Variants in MAST2 observed in about 807,000 individuals in gnomAD.
MAST2 encodes the protein microtubule-associated serine/threonine-protein kinase 2.
Under a neutral mutation model 147.4 loss-of-function variants are expected in MAST2, and 70 were observed. That is an observed-to-expected ratio of 0.47 (90% CI 0.39 to 0.58). The LOEUF (loss-of-function observed/expected upper bound fraction) is 0.58, where lower values mean the gene tolerates loss of function less well. Among genes scored for constraint, MAST2 ranks in the 20% least tolerant of loss-of-function variants. The pLI, the probability that MAST2 is intolerant of heterozygous loss-of-function variation, is 0.00. For synonymous variants in MAST2, 869 were observed against 896.8 expected, an observed-to-expected ratio of 0.97 and a Z score of 0.55; for missense variants, 2,080 against 2,302.3, an observed-to-expected ratio of 0.90 and a Z score of 1.98.
intron 3 of MAST2, among the ~76,000 whole-genome samples, chr1:45,863,571 C>CTA (rs1477031766): frequency 6.6e-6 from 1 of 152,138 alleles, no homozygotes; most frequent in African/African-American, 2.4e-5. Flanking sequence ...TTTCTTATGA[C>CTA]TATAATCAGT....
chr1:45,978,666 C>G (rs1309005955), intron 5 of MAST2, among the ~76,000 whole-genome samples: 2 of 152,166 alleles, frequency 1.3e-5, no homozygotes, highest in African/African-American at 4.8e-5. Context: ...ATTAATACAA[C>G]TATTTTGCAA....
At chr1:45,838,398 T>C (rs1645171322) in intron 3 of MAST2, among the ~76,000 whole-genome samples, 1 of 151,656 alleles carries the variant, frequency 6.6e-6, no homozygotes, top group African/African-American at 2.4e-5. Context: ...TTTCTCTGTA[T>C]TTTTAATAGA....
chr1:45,888,813 C>A (rs536229278), intron 4 of MAST2, among the ~76,000 whole-genome samples: 1 of 151,340 alleles, frequency 6.6e-6, no homozygotes, highest in Non-Finnish European at 1.5e-5. Context: ...TCCCCAGTAG[C>A]TGGTACTACA....
chr1:45,825,771 A>G (rs1470832158), intron 2 of MAST2, among the ~76,000 whole-genome samples: 1 of 151,386 alleles, frequency 6.6e-6, no homozygotes, highest in Non-Finnish European at 1.5e-5. Flanking sequence ...TCATGAGTAA[A>G]TTAGATTTTT....
intron 6 of MAST2, chr1:46,001,076 A>G: frequency 1.0e-6 from 1 of 979,544 alleles, no homozygotes; most frequent in Non-Finnish European, 1.4e-6. Flanking sequence ...ACTGGTTGTG[A>G]TGATTCTTCT....
Position 45,996,374 on chromosome 1 carries a change from TA to T in MAST2, c.593-1343del, listed in dbSNP as rs1267985083. Among the ~76,000 whole-genome samples the T allele has an allele frequency of 6.6e-5, 10 of 152,160 alleles. No individual in the cohort carries two copies. The East Asian group carries it at 1.9e-3, about 29-fold the overall frequency. On this transcript the variant is annotated intron_variant, in intron 5 of 28. Transcript: ENST00000361297. ...TATCAAAAAAGAACAGAATTTTTTTTAAAAAAATAAGCTTTGATACTTCTGA... is the reference window on the plus strand; with the variant it reads ...TATCAAAAAAGAACAGAATTTTTTTTAAAAAATAAGCTTTGATACTTCTGA...
chr1:45,927,783 G>A (rs745422508), intron 4 of MAST2, among the ~76,000 whole-genome samples: 35 of 152,216 alleles, frequency 2.3e-4, no homozygotes, highest in Non-Finnish European at 5.9e-5. Flanking sequence ...GCATAGGAAA[G>A]CACAGGGGTA....
At chr1:45,947,250 T>C (rs942530755) in intron 4 of MAST2, among the ~76,000 whole-genome samples, 1 of 138,754 alleles carries the variant, frequency 7.2e-6, no homozygotes, top group African/African-American at 2.7e-5. Flanking sequence ...CTCTGCCACA[T>C]AGGAAGAATT....
At chr1:45,913,863 C>G in intron 4 of MAST2, 1 of 1,244,116 alleles carries the variant, frequency 8.0e-7, no homozygotes. Flanking sequence ...ACTGGGAGCA[C>G]CATGTCTGCG....
chr1:45,864,900 G>GT (rs1434982089), intron 3 of MAST2, among the ~76,000 whole-genome samples: 1 of 152,236 alleles, frequency 6.6e-6, no homozygotes, highest in East Asian at 1.9e-4. Context: ...CAGATGAGAT[G>GT]TATCTATACT....
intron 5 of MAST2, 67 bp from the exon 6 acceptor site, chr1:45,997,657 C>T (rs563522307): frequency 8.3e-7 from 1 of 1,200,172 alleles, no homozygotes; most frequent in East Asian, 2.3e-5. Flanking sequence ...TATTTCTTGC[C>T]CGAAAGTCAT....
At chr1:45,920,647 G>A (rs1438647076) in intron 4 of MAST2, among the ~76,000 whole-genome samples, 3 of 152,100 alleles carry the variant, frequency 2.0e-5, no homozygotes, top group East Asian at 1.9e-4. Context: ...ACTGATTCAC[G>A]TTGCATAAGC....
intron 27 of MAST2, 43 bp downstream of exon 27, chr1:46,033,981 A>G (rs774594973): frequency 6.2e-7 from 1 of 1,611,200 alleles, no homozygotes; most frequent in African/African-American, 1.3e-5. Context: ...GAGCCACATG[A>G]GTGCTGGTAC....
intron 3 of MAST2, among the ~76,000 whole-genome samples, chr1:45,840,141 G>T (rs1248287447): frequency 6.6e-6 from 1 of 152,164 alleles, no homozygotes; most frequent in East Asian, 1.9e-4. Context: ...TTGCTCTTCA[G>T]TATTTATTTT....
chr1:45,816,782 A>T (rs1391648077), intron 1 of MAST2, among the ~76,000 whole-genome samples: 2 of 152,132 alleles, frequency 1.3e-5, no homozygotes, highest in African/African-American at 2.4e-5. Flanking sequence ...GGTTCAAGCG[A>T]TTCTCCTGGC....
At chr1:45,914,385 T>A (rs1652142568) in intron 4 of MAST2, among the ~76,000 whole-genome samples, 1 of 152,148 alleles carries the variant, frequency 6.6e-6, no homozygotes, top group Admixed American at 6.5e-5. Flanking sequence ...AGAAATAAAC[T>A]TTATTAGGTG....
chr1:45,816,307 T>A (rs1349798407), intron 1 of MAST2, among the ~76,000 whole-genome samples: 1 of 151,974 alleles, frequency 6.6e-6, no homozygotes, highest in Non-Finnish European at 1.5e-5. Flanking sequence ...CAAGCCCAGA[T>A]CGCAAAGGCT....
intron 1 of MAST2, among the ~76,000 whole-genome samples, chr1:45,811,834 C>T (rs1248433776): frequency 6.6e-6 from 1 of 151,938 alleles, no homozygotes; most frequent in African/African-American, 2.4e-5. Context: ...CGGGGTTTCA[C>T]TGTGTTAGCC....
At position 46,010,778 on chromosome 1, in the gene MAST2, A is replaced by C. The variant is rs574608649; in HGVS notation, c.1027A>C (p.Thr343Pro). ...ACTAGCAGAGTTTATTTCCTCCAAC[A>C]CTCCAGACAGCGTGCTGCCCTTGGC... ...ERLAEFISSNTPDSVLPLADG... is the reference protein window; with the variant it reads ...ERLAEFISSNPPDSVLPLADG... Residue 343 changes from threonine (T) to proline (P), a missense_variant, in exon 10 of 29, where the codon ACT becomes CCT. Thr to Pro is a conservative substitution (Grantham distance 38). Around this residue, in one of 4 missense-constraint regions of MAST2, gnomAD observed 569 missense variants for 642.5 expected, o/e 0.89. Coordinates refer to ENST00000361297, the MANE Select transcript of MAST2 (RefSeq NM_015112.3). 1.9e-6 allele frequency: 3 copies of C among 1,613,788 alleles called. No individual in the cohort carries two copies. In the African/African-American group the frequency reaches 4.0e-5, roughly 22 times the overall value.
Sources: allele counts gnomAD v4.1 joint callset (sites outside exome capture counted in the v4.1 genomes callset), GRCh38; gene constraint gnomAD v4.1.1; regional missense constraint gnomAD v4.1.1; transcripts MANE v1.5; gene names NCBI Gene and HGNC (gene_info 2026-07-23, HGNC 2026-07-21).